Variants in CTNNA2 observed in about 807,000 individuals in gnomAD.
CTNNA2 encodes the protein catenin alpha-2.
In CTNNA2, 42 loss-of-function variants were observed where a neutral mutation model predicts 101.0. The ratio of observed to expected loss-of-function variants is 0.42; its 90% confidence interval spans 0.32 to 0.54. The LOEUF is 0.54. Ranked by LOEUF, CTNNA2 falls within the 20% of genes least tolerant of loss-of-function variation. CTNNA2 has a pLI of 0.14. For missense variants in CTNNA2, 871 were observed against 1,223.1 expected, an observed-to-expected ratio of 0.71 and a Z score of 4.29; for synonymous variants, 450 against 456.4, an observed-to-expected ratio of 0.99 and a Z score of 0.18.
chr2:79,878,097 G>A (rs1212046849), intron 6 of CTNNA2, among the ~76,000 whole-genome samples: 1 of 152,160 alleles, frequency 6.6e-6, no homozygotes, highest in Non-Finnish European at 1.5e-5. Context: ...TTAGTTTGCT[G>A]AGGATGATGG....
intron 6 of CTNNA2, among the ~76,000 whole-genome samples, chr2:79,883,600 A>T (rs1312475779): frequency 6.6e-6 from 1 of 152,210 alleles, no homozygotes; most frequent in Non-Finnish European, 1.5e-5. Flanking sequence ...AAATATAGTG[A>T]CTGCTCAGAA....
At chr2:79,390,835 A>T in intron 4 of CTNNA2, among the ~76,000 whole-genome samples, 1 of 152,152 alleles carries the variant, frequency 6.6e-6, no homozygotes, top group East Asian at 1.9e-4. Flanking sequence ...CCATGATCTT[A>T]TTCTACCTCT....
chr2:79,205,549 G>A (rs1674089884), intron 2 of CTNNA2, among the ~76,000 whole-genome samples: 1 of 152,172 alleles, frequency 6.6e-6, no homozygotes, highest in South Asian at 2.1e-4. Flanking sequence ...TAGTTAACCA[G>A]TATGCTGTTG....
chr2:80,521,759 C>T (rs764513229), intron 9 of CTNNA2, among the ~76,000 whole-genome samples: 3 of 152,022 alleles, frequency 2.0e-5, no homozygotes, highest in East Asian at 1.9e-4. Flanking sequence ...GATTTTAGCC[C>T]GGCGAGCCCC....
At chr2:79,630,549 A>C (rs987177348) in intron 1 of CTNNA2, among the ~76,000 whole-genome samples, 2 of 152,252 alleles carry the variant, frequency 1.3e-5, no homozygotes, top group Non-Finnish European at 2.9e-5. Flanking sequence ...AAAAACTTTC[A>C]GTATACATAA....
intron 9 of CTNNA2, among the ~76,000 whole-genome samples, chr2:80,458,172 T>A (rs1263067686): frequency 6.6e-6 from 1 of 152,216 alleles, no homozygotes; most frequent in Non-Finnish European, 1.5e-5. Context: ...ACCTTCGATT[T>A]TTTTTTAGAA....
chr2:79,643,012 G>A (rs1373907385), intron 1 of CTNNA2, among the ~76,000 whole-genome samples: 1 of 152,000 alleles, frequency 6.6e-6, no homozygotes, highest in Non-Finnish European at 1.5e-5. Flanking sequence ...CCAACACAGT[G>A]AAACCCTGCC....
Position 80,617,518 on chromosome 2 carries a change from C to T in CTNNA2, c.2431-1567C>T, listed in dbSNP as rs1045893139. ...GTATCATTGCCTCTTCTGTTAAGTA[C>T]AGAAAAAGTCAAATATAGGCAAAAC... On this transcript the variant is annotated intron_variant, in intron 17 of 18. Coordinates refer to ENST00000402739, the MANE Select transcript of CTNNA2 (RefSeq NM_001282597.3). Among the ~76,000 whole-genome samples the T allele has an allele frequency of 2.0e-5, 3 of 151,680 alleles. No individual in the cohort carries two copies. In the East Asian group the frequency reaches 5.8e-4, roughly 30 times the overall value.
intron 7 of CTNNA2, among the ~76,000 whole-genome samples, chr2:80,382,009 C>T (rs1383269480): frequency 2.0e-5 from 3 of 151,998 alleles, no homozygotes; most frequent in African/African-American, 4.8e-5. Context: ...ATCTTTTTCC[C>T]GCATAGGGGA....
At chr2:80,285,330 T>G (rs1674674317) in intron 7 of CTNNA2, among the ~76,000 whole-genome samples, 1 of 152,210 alleles carries the variant, frequency 6.6e-6, no homozygotes, top group South Asian at 2.1e-4. Flanking sequence ...TCAGCAGCAG[T>G]GGCAGCAAGA....
intron 2 of CTNNA2, among the ~76,000 whole-genome samples, chr2:79,198,727 AT>A (rs1453140051): frequency 3.7e-5 from 5 of 133,730 alleles, no homozygotes; most frequent in Non-Finnish European, 8.2e-5. Flanking sequence ...TGTCTTAGGC[AT>A]AGTGTTGGTA....
intron 2 of CTNNA2, among the ~76,000 whole-genome samples, chr2:79,715,577 G>A (rs7579935): frequency 0.5 from 75,340 of 151,954 alleles, 20,432 homozygotes; most frequent in African/African-American, 0.73. Flanking sequence ...ATAAGGGTAA[G>A]CAATGGATGC....
chr2:79,628,515 T>C (rs1278097029), intron 1 of CTNNA2, among the ~76,000 whole-genome samples: 1 of 152,178 alleles, frequency 6.6e-6, no homozygotes, highest in Non-Finnish European at 1.5e-5. Context: ...AACGAAATTT[T>C]TTCATTATAA....
intron 7 of CTNNA2, among the ~76,000 whole-genome samples, chr2:79,970,058 C>T (rs541446676): frequency 3.3e-5 from 5 of 152,288 alleles, no homozygotes; most frequent in African/African-American, 1.2e-4. Flanking sequence ...TAGATCCTTA[C>T]AGTAAATAGG....
At chr2:80,526,624 T>C (rs1352453816) in intron 9 of CTNNA2, among the ~76,000 whole-genome samples, 1 of 152,184 alleles carries the variant, frequency 6.6e-6, no homozygotes, top group Non-Finnish European at 1.5e-5. Flanking sequence ...TGAGCCACTG[T>C]GCCGGGCCTC....
intron 4 of CTNNA2, among the ~76,000 whole-genome samples, chr2:79,424,133 G>A (rs12478921): frequency 0.26 from 39,415 of 151,948 alleles, 5,992 homozygotes; most frequent in South Asian, 0.44. Context: ...GTGAGGGACC[G>A]GTTCAGCCAG....
intron 1 of CTNNA2, among the ~76,000 whole-genome samples, chr2:79,189,128 GACTCT>G (rs1553380485): frequency 1.3e-5 from 2 of 152,082 alleles, no homozygotes; most frequent in Non-Finnish European, 2.9e-5. Context: ...TGGCACACAG[GACTCT>G]ACTCAATAAA....
In CTNNA2 at chr2:79,442,692, G is replaced by A. The variant is rs1678789342; in HGVS notation, c.-134-62362G>A. On this transcript the variant is annotated intron_variant, in intron 4 of 21. Transcript: ENST00000466387. The stretch of plus-strand genomic sequence containing the variant: ...CTTTCTTTTTTACCCTGATTATTAG[G>A]TGGGAGATTCAAAATGAACATTATC... Among the ~76,000 whole-genome samples, 6 of 152,132 alleles carry A rather than the reference G, an allele frequency of 3.9e-5. No individual in the cohort carries two copies. In the South Asian group the frequency reaches 1.2e-3, roughly 32 times the overall value.
Position 80,468,927 on chromosome 2 carries a change from A to G in CTNNA2, c.1290+49326A>G, listed in dbSNP as rs192288078. ...TTTTCTGAGCCTTTTTTATTATCCAAATAACAGAGGGCTTGAACCAAATGA... is the reference window on the plus strand; with the variant it reads ...TTTTCTGAGCCTTTTTTATTATCCAGATAACAGAGGGCTTGAACCAAATGA... On this transcript the variant is annotated intron_variant, in intron 9 of 18. Transcript: ENST00000402739. Among the ~76,000 whole-genome samples the G allele has an allele frequency of 9.8e-4, 149 of 152,218 alleles. 2 individuals are homozygous for G. The highest frequency in any genetic ancestry group is 1.5e-4 in the Non-Finnish European group (10 of 68,004).
Sources: allele counts gnomAD v4.1 joint callset (sites outside exome capture counted in the v4.1 genomes callset), GRCh38; gene constraint gnomAD v4.1.1; transcripts MANE v1.5; gene names NCBI Gene and HGNC (gene_info 2026-07-23, HGNC 2026-07-21).